The following GALNT13 variants were observed in gnomAD, a reference collection of about 807,000 sequenced individuals.
The protein encoded by GALNT13 is UDP-GalNAc:polypeptide N-acetylgalactosaminyltransferase 13.
In GALNT13, 28 loss-of-function variants were observed where a neutral mutation model predicts 64.2. The observed-to-expected ratio is 0.44, with a 90% confidence interval of 0.32 to 0.60. The LOEUF is 0.60. Among genes scored for constraint, GALNT13 ranks in the 20% least tolerant of loss-of-function variants. The pLI is 0.05. For synonymous variants in GALNT13, 214 were observed against 224.6 expected (o/e 0.95, Z 0.42); for missense variants, 577 against 669.8 (o/e 0.86, Z 1.53).
the GALNT13 span, among the ~76,000 whole-genome samples, chr2:153,673,752 A>G: frequency 2.0e-5 from 3 of 152,176 alleles, no homozygotes; most frequent in Admixed American, 2.0e-4. Flanking sequence ...AGTTAGGAAA[A>G]GAGGAAGTCA....
chr2:153,074,286 T>TC, the GALNT13 span, among the ~76,000 whole-genome samples: 1 of 152,226 alleles, frequency 6.6e-6, no homozygotes, highest in Admixed American at 6.5e-5. Context: ...AATACTTAGT[T>TC]CATTTTTTTG....
chr2:153,894,635 T>G (rs1687774298), intron 1 of GALNT13, among the ~76,000 whole-genome samples: 1 of 152,028 alleles, frequency 6.6e-6, no homozygotes, highest in Admixed American at 6.6e-5. Flanking sequence ...AGTTATAGAT[T>G]AATCAGTTTG....
chr2:154,341,352 C>A (rs1443357010), intron 9 of GALNT13, among the ~76,000 whole-genome samples: 2 of 152,074 alleles, frequency 1.3e-5, no homozygotes, highest in African/African-American at 4.8e-5. Flanking sequence ...TGATTTAAAT[C>A]GCTAAAATGT....
At chr2:153,756,742 G>A in the GALNT13 span, among the ~76,000 whole-genome samples, 1 of 151,894 alleles carries the variant, frequency 6.6e-6, no homozygotes. Context: ...TTCCAAACTA[G>A]TATCTTCAAA....
chr2:154,422,427 C>T (rs1330366575), intron 11 of GALNT13, among the ~76,000 whole-genome samples: 2 of 152,136 alleles, frequency 1.3e-5, no homozygotes, highest in Admixed American at 6.6e-5. Context: ...AAGCATGAAG[C>T]TACATGTGGT....
the GALNT13 span, among the ~76,000 whole-genome samples, chr2:153,449,443 T>C: frequency 6.6e-6 from 1 of 152,120 alleles, no homozygotes; most frequent in African/African-American, 2.4e-5. Context: ...AAGATGTTTT[T>C]TCCCCCATGC....
chr2:153,737,050 G>A, the GALNT13 span, among the ~76,000 whole-genome samples: 1 of 152,318 alleles, frequency 6.6e-6, no homozygotes, highest in East Asian at 1.9e-4. Context: ...TCATCGGGCT[G>A]GCACACATAT....
chr2:154,318,903 A>G lies in GALNT13; in HGVS notation c.1156+17314A>G, dbSNP rs552554408. Among the ~76,000 whole-genome samples the G allele has an allele frequency of 7.2e-5, 11 of 152,134 alleles. No individual in the cohort carries two copies. The East Asian group carries it at 2.1e-3, about 29-fold the overall frequency. ...CGCGCACACACACGCACACACATAT[A>G]TATACAAATATATATACACACATAT... On this transcript the variant is annotated intron_variant, in intron 9 of 12. Coordinates refer to ENST00000392825, the MANE Select transcript of GALNT13 (RefSeq NM_052917.4).
At chr2:153,352,543 G>A in the GALNT13 span, among the ~76,000 whole-genome samples, 4 of 152,092 alleles carry the variant, frequency 2.6e-5, no homozygotes, top group Middle Eastern at 0.01. Flanking sequence ...TCCCAAAGTC[G>A]TTTAGGTTTT....
intron 4 of GALNT13, among the ~76,000 whole-genome samples, chr2:154,182,344 G>A (rs1306631373): frequency 2.6e-5 from 4 of 151,972 alleles, no homozygotes; most frequent in East Asian, 1.9e-4. Context: ...TTTTGTGTGC[G>A]CATTTGGTAA....
chr2:153,300,347 G>A, the GALNT13 span, among the ~76,000 whole-genome samples: 8,302 of 152,136 alleles, frequency 0.055, 785 homozygotes, highest in African/African-American at 0.19. Flanking sequence ...TCAAGCTACA[G>A]TATACGGTAA....
At chr2:154,074,565 C>A (rs529232726) in intron 3 of GALNT13, among the ~76,000 whole-genome samples, 1 of 151,928 alleles carries the variant, frequency 6.6e-6, no homozygotes, top group Non-Finnish European at 1.5e-5. Context: ...ATAAGGGACA[C>A]CTCCCTGACT....
At chr2:153,916,930 G>GTTCTA (rs1689391327) in intron 2 of GALNT13, among the ~76,000 whole-genome samples, 1 of 152,138 alleles carries the variant, frequency 6.6e-6, no homozygotes, top group African/African-American at 2.4e-5. Context: ...TATGATAGCA[G>GTTCTA]CACTTTATGT....
At chr2:154,145,922 T>A (rs1364312208) in intron 4 of GALNT13, among the ~76,000 whole-genome samples, 1 of 152,016 alleles carries the variant, frequency 6.6e-6, no homozygotes, top group Non-Finnish European at 1.5e-5. Flanking sequence ...TAATTGGATT[T>A]CCAATCTCTG....
chr2:154,273,311 AG>A (rs545937542), intron 8 of GALNT13, among the ~76,000 whole-genome samples: 1 of 152,120 alleles, frequency 6.6e-6, no homozygotes. Flanking sequence ...AAGGATTTGC[AG>A]GGGGGAACAT....
chr2:153,333,846 C>T, the GALNT13 span, among the ~76,000 whole-genome samples: 1 of 152,164 alleles, frequency 6.6e-6, no homozygotes, highest in African/African-American at 2.4e-5. Flanking sequence ...TGAGGCATCT[C>T]CAAAATAATT....
At chr2:153,443,287 G>A in the GALNT13 span, among the ~76,000 whole-genome samples, 4 of 152,002 alleles carry the variant, frequency 2.6e-5, no homozygotes, top group Non-Finnish European at 5.9e-5. Flanking sequence ...CACAGCTTCC[G>A]TTGGCTAAAG....
At chr2:154,105,982 A>G (rs1214589311) in intron 3 of GALNT13, among the ~76,000 whole-genome samples, 1 of 152,178 alleles carries the variant, frequency 6.6e-6, no homozygotes, top group Non-Finnish European at 1.5e-5. Context: ...ATGACAAACT[A>G]AGAGAAACTA....
chr2:154,087,501 C>T (rs1701589479), intron 3 of GALNT13, among the ~76,000 whole-genome samples: 1 of 152,026 alleles, frequency 6.6e-6, no homozygotes, highest in South Asian at 2.1e-4. Flanking sequence ...GTCCATTATA[C>T]ACTTACTTGA....
Sources: allele counts gnomAD v4.1 joint callset (sites outside exome capture counted in the v4.1 genomes callset), GRCh38; gene constraint gnomAD v4.1.1; transcripts MANE v1.5; gene names NCBI Gene and HGNC (gene_info 2026-07-23, HGNC 2026-07-21).